The following OLAH variants were observed in gnomAD, a reference collection of about 807,000 sequenced individuals.
OLAH encodes the protein S-acyl fatty acid synthase thioesterase, medium chain.
Under a neutral mutation model 27.8 loss-of-function variants are expected in OLAH, and 33 were observed. That is an observed-to-expected ratio of 1.19 (90% CI 0.90 to 1.59). OLAH has a LOEUF of 1.59. OLAH is among the 40% of genes most tolerant of loss of function. OLAH has a pLI of 0.00. For synonymous variants in OLAH, 120 were observed against 102.9 expected, an observed-to-expected ratio of 1.17 and a Z score of -1.01; for missense variants, 359 against 310.8, an observed-to-expected ratio of 1.16 and a Z score of -1.17.
chr10:15,045,729 G>A lies in OLAH; in HGVS notation c.-163-1397G>A, dbSNP rs146190816. Among the ~76,000 whole-genome samples the A allele has an allele frequency of 6.0e-3, 907 of 152,250 alleles. 6 individuals carry two copies. Among genetic ancestry groups the A allele is most frequent in the Non-Finnish European group, 0.011 (746 of 68,020 alleles). On this transcript the variant is annotated intron_variant, in intron 1 of 7. Coordinates refer to ENST00000378228, the MANE Select transcript of OLAH (RefSeq NM_001039702.3). The stretch of plus-strand genomic sequence containing the variant: ...CACAACTGAGCTTGACAAGTTAACC[G>A]TGGCCTTAAAATGAATACTTGGGAT...
At chr10:15,069,642 G>A (rs370576804) in intron 6 of OLAH, among the ~76,000 whole-genome samples, 16 of 152,274 alleles carry the variant, frequency 1.1e-4, no homozygotes, top group African/African-American at 2.9e-4. Flanking sequence ...CAAGGCGGGC[G>A]GATCACTTGA....
intron 4 of OLAH, among the ~76,000 whole-genome samples, chr10:15,062,895 T>C (rs1327906060): frequency 6.6e-6 from 1 of 151,924 alleles, no homozygotes; most frequent in Non-Finnish European, 1.5e-5. Flanking sequence ...CACACGACCA[T>C]ACCTGGCTAA....
At chr10:15,047,511 A>G (rs565746381) in intron 2 of OLAH, 191 bp downstream of exon 2, 128 of 585,208 alleles carry the variant, frequency 2.2e-4, no homozygotes, top group African/African-American at 2.0e-3. Flanking sequence ...CCTGGCCGAC[A>G]TGGCAAAACC....
intron 6 of OLAH, among the ~76,000 whole-genome samples, chr10:15,069,164 G>C (rs117980544): frequency 0.012 from 1,892 of 152,234 alleles, 146 homozygotes; most frequent in Admixed American, 0.11. Flanking sequence ...TGGGTTCTGT[G>C]AGTGGGGCTT....
intron 1 of OLAH, among the ~76,000 whole-genome samples, chr10:15,032,897 C>T (rs917303183): frequency 2.6e-5 from 4 of 151,800 alleles, no homozygotes; most frequent in African/African-American, 7.3e-5. Context: ...TTTTTTTAGA[C>T]AGTCTTACTT....
intron 3 of OLAH, chr10:15,056,966 G>T: frequency 1.4e-6 from 2 of 1,444,940 alleles, no homozygotes; most frequent in Non-Finnish European, 1.8e-6. Flanking sequence ...GTCTATTCTG[G>T]ATTCTAATTT....
At chr10:15,047,598 G>A (rs4748136) in intron 2 of OLAH, among the ~76,000 whole-genome samples, 17,484 of 152,142 alleles carry the variant, frequency 0.11, 1,514 homozygotes, top group African/African-American at 0.23. Flanking sequence ...CCAGCCACTC[G>A]GGAGGGTGAG....
chr10:15,040,682 T>C (rs538777199), upstream of OLAH, among the ~76,000 whole-genome samples: 83 of 152,280 alleles, frequency 5.5e-4, no homozygotes, highest in African/African-American at 1.9e-3. Context: ...TATTCATTCA[T>C]TTATTGTTCA....
chr10:15,050,745 G>A (rs1057452583), intron 3 of OLAH, among the ~76,000 whole-genome samples: 22 of 151,552 alleles, frequency 1.5e-4, no homozygotes, highest in African/African-American at 4.6e-4. Flanking sequence ...GTTTCACTGT[G>A]TTAGCCAGGA....
chr10:15,043,642 T>A (rs1487573176), upstream of OLAH, among the ~76,000 whole-genome samples: 1 of 151,984 alleles, frequency 6.6e-6, no homozygotes, highest in East Asian at 1.9e-4. Flanking sequence ...ATTTTTTGTA[T>A]TTTTTAGTAG....
At chr10:15,040,424 C>A (rs1456849211), upstream of OLAH, among the ~76,000 whole-genome samples, 1 of 152,140 alleles carries the variant, frequency 6.6e-6, no homozygotes, top group Non-Finnish European at 1.5e-5. Flanking sequence ...TTTCCAGTTG[C>A]TCCCACTATT....
chr10:15,057,966 T>C (rs1004524560), intron 3 of OLAH, among the ~76,000 whole-genome samples: 1 of 152,228 alleles, frequency 6.6e-6, no homozygotes, highest in African/African-American at 2.4e-5. Flanking sequence ...TCCAACTTTG[T>C]TCTTCTTTCT....
At chr10:15,061,421 G>A (rs923979927) in intron 3 of OLAH, among the ~76,000 whole-genome samples, 8 of 151,804 alleles carry the variant, frequency 5.3e-5, no homozygotes, top group East Asian at 1.9e-4. Context: ...TATAGGTAAC[G>A]GTTGTTGGGG....
chr10:15,050,959 GT>G (rs1464405156), intron 3 of OLAH, among the ~76,000 whole-genome samples: 17 of 151,798 alleles, frequency 1.1e-4, no homozygotes, highest in Admixed American at 1.1e-3. Context: ...ATTAGCCATA[GT>G]TTTTTGTTTT....
intron 3 of OLAH, among the ~76,000 whole-genome samples, chr10:15,052,802 G>A (rs1844172073): frequency 1.4e-5 from 2 of 143,724 alleles, no homozygotes; most frequent in South Asian, 4.3e-4. Context: ...GAGTGCAGTG[G>A]CGTGATCTCG....
intron 1 of OLAH, among the ~76,000 whole-genome samples, chr10:15,032,802 A>T (rs1346594291): frequency 6.6e-6 from 1 of 152,162 alleles, no homozygotes; most frequent in African/African-American, 2.4e-5. Context: ...GTGGTAATGA[A>T]ATCTGGCCCC....
chr10:15,067,926 C>G lies in OLAH; in HGVS notation c.572+2173C>G, dbSNP rs764603690. ...TATAATCTGTCCTCCTCTCTTGCTT[C>G]GGACTATTGTTACTGTTCCTCCTCT... On this transcript the variant is annotated intron_variant, in intron 6 of 7. Transcript: ENST00000378228. The G allele has an allele frequency of 2.0e-5, 3 of 152,232 alleles. No homozygotes were observed. The East Asian group carries it at 5.8e-4, about 29-fold the overall frequency. 9.4% of individuals were successfully genotyped at this position (152,232 alleles called of 1,614,324 possible).
upstream of OLAH, among the ~76,000 whole-genome samples, chr10:15,043,211 T>A (rs1337776501): frequency 6.6e-6 from 1 of 152,110 alleles, no homozygotes; most frequent in African/African-American, 2.4e-5. Context: ...TTAGCTTTTT[T>A]TAATCTTCAA....
intron 1 of OLAH, among the ~76,000 whole-genome samples, chr10:15,032,615 A>G (rs1380478419): frequency 1.5e-5 from 2 of 130,194 alleles, no homozygotes; most frequent in East Asian, 4.9e-4. Flanking sequence ...AGTGAGACTC[A>G]GTTTCAAAAA....
Sources: gnomAD v4.1 joint callset for allele counts (sites outside exome capture counted in the v4.1 genomes callset) on GRCh38, gnomAD v4.1.1 for gene constraint, MANE v1.5 for transcripts, NCBI Gene and HGNC (gene_info 2026-07-23, HGNC 2026-07-21) for gene names.